Variants in SLC5A7 observed in about 807,000 individuals in gnomAD.
The protein encoded by SLC5A7 is solute carrier family 5 member 7.
Under a neutral mutation model 55.4 loss-of-function variants are expected in SLC5A7, and 19 were observed. The observed-to-expected ratio is 0.34, with a 90% confidence interval of 0.24 to 0.50. SLC5A7 has a LOEUF of 0.50. SLC5A7 is among the 20% of genes least tolerant of loss of function. SLC5A7 has a pLI of 0.98. For missense variants in SLC5A7, 506 were observed against 705.3 expected, an observed-to-expected ratio of 0.72 and a Z score of 3.20; for synonymous variants, 265 against 263.7, an observed-to-expected ratio of 1.00 and a Z score of -0.05.
intron 6 of SLC5A7, among the ~76,000 whole-genome samples, chr2:108,002,923 T>A (rs1677972808): frequency 6.6e-6 from 1 of 152,200 alleles, no homozygotes; most frequent in Non-Finnish European, 1.5e-5. Flanking sequence ...AATTGGTTAT[T>A]TTTGTTTTCT....
intron 5 of SLC5A7, 114 bp from the exon 6 acceptor site, chr2:108,001,783 C>G: frequency 2.8e-6 from 3 of 1,056,982 alleles, no homozygotes; most frequent in Non-Finnish European, 4.0e-6. Context: ...CGATCCTTCT[C>G]TGTCTGAACT....
At position 108,012,491 on chromosome 2, in the gene SLC5A7, A is replaced by C. The variant is rs1457395102; in HGVS notation, c.*1630A>C. 6.6e-6 allele frequency: 1 copy of C among 152,162 alleles called. No homozygotes were observed. Among genetic ancestry groups the C allele is most frequent in the Non-Finnish European group, 1.5e-5 (1 of 68,018 alleles). The allele number at this position is 152,162 out of a possible 1,614,324, so 9.4% of individuals were successfully genotyped here. A position where few individuals can be genotyped will look rare whatever the true frequency, so the allele number is the denominator to read the frequency against. ...TTAATTGTAATTGTCTCAAAGCATC[A>C]AATAATACATCTTTATCATTAAACA... On this transcript the variant is annotated 3_prime_UTR_variant, in exon 9 of 9. Coordinates refer to ENST00000264047, the MANE Select transcript of SLC5A7 (RefSeq NM_021815.5).
chr2:108,005,996 CTT>C, intron 6 of SLC5A7, 51 bp from the exon 7 acceptor site: 2 of 1,604,262 alleles, frequency 1.2e-6, no homozygotes, highest in Admixed American at 1.7e-5. Flanking sequence ...CAATAAAACT[CTT>C]TAAAAAAATG....
intron 4 of SLC5A7, among the ~76,000 whole-genome samples, chr2:107,996,456 T>A (rs1308040634): frequency 6.6e-6 from 1 of 152,172 alleles, no homozygotes; most frequent in African/African-American, 2.4e-5. Context: ...ATTGAGATAA[T>A]GTAGTTTCAT....
intron 6 of SLC5A7, among the ~76,000 whole-genome samples, chr2:108,005,564 T>C (rs1162242017): frequency 6.6e-6 from 1 of 152,214 alleles, no homozygotes; most frequent in Non-Finnish European, 1.5e-5. Context: ...ATTGTCTTAG[T>C]TCAGTTGGGT....
At position 108,013,925 on chromosome 2, in the gene SLC5A7, G is replaced by C. The variant is rs1413401450; in HGVS notation, c.*3064G>C. On this transcript the variant is annotated 3_prime_UTR_variant, in exon 9 of 9. Coordinates refer to ENST00000264047, the MANE Select transcript of SLC5A7 (RefSeq NM_021815.5). ...AAACGAATATAAGCTTAAAATAAGT[G>C]AATCTAATAAAATGGCTATTCCTCT... is the stretch of plus-strand genomic sequence containing the variant. 1 of 151,974 alleles carries C rather than the reference G, an allele frequency of 6.6e-6. No individual in the cohort carries two copies. Among genetic ancestry groups the C allele is most frequent in the African/African-American group, 2.4e-5 (1 of 41,388 alleles). The allele number at this position is 151,974 out of a possible 1,614,324, so 9.4% of individuals were successfully genotyped here. A position where few individuals can be genotyped will look rare whatever the true frequency, so the allele number is the denominator to read the frequency against.
At chr2:107,995,470 A>AGT (rs57328827) in intron 4 of SLC5A7, among the ~76,000 whole-genome samples, 7,182 of 137,152 alleles carry the variant, frequency 0.052, 496 homozygotes, top group African/African-American at 0.16. Context: ...AGAGAGAGAG[A>AGT]GTGTGTGTGT....
At chr2:107,999,330 C>T (rs1474811021) in intron 5 of SLC5A7, among the ~76,000 whole-genome samples, 5 of 152,182 alleles carry the variant, frequency 3.3e-5, no homozygotes, top group Admixed American at 2.0e-4. Context: ...GTTGGTTTGG[C>T]AATGACAGCT....
rs781484974 is a variant in SLC5A7, at chr2:108,002,051, C to G, written c.741+11C>G. ...AGTTTTCTGTTGTTGGTAAGTAATG[C>G]TCTTACCTGAAGAATGTGATTTAAT... is the stretch of plus-strand genomic sequence containing the variant. On this transcript the variant is annotated intron_variant, in intron 6 of 8. Transcript: ENST00000264047. 2.6e-5 allele frequency: 42 copies of G among 1,606,324 alleles called. No individual in the cohort carries two copies. The highest frequency in any genetic ancestry group is 3.6e-5 in the Non-Finnish European group (42 of 1,175,594).
chr2:108,001,232 TAGAC>T lies in SLC5A7; in HGVS notation c.598-662_598-659del, dbSNP rs997441433. Among the ~76,000 whole-genome samples, 68 of 151,952 alleles carry T rather than the reference TAGAC, an allele frequency of 4.5e-4. No homozygotes were observed. The South Asian group carries it at 7.7e-3, about 17-fold the overall frequency. On this transcript the variant is annotated intron_variant, in intron 5 of 8. Transcript: ENST00000264047. ...GTATGTGTGTGTGTGTGTGTGTAGA[TAGAC>T]AGTCAGAGATAGATAGATGATAGAT...
At chr2:108,002,957 A>T (rs182124103) in intron 6 of SLC5A7, among the ~76,000 whole-genome samples, 7 of 152,334 alleles carry the variant, frequency 4.6e-5, no homozygotes, top group Admixed American at 2.6e-4. Flanking sequence ...GCAATATTGT[A>T]TGACTTTGTG....
intron 6 of SLC5A7, 113 bp from the exon 7 acceptor site, chr2:108,005,936 T>A: frequency 7.8e-7 from 1 of 1,275,846 alleles, no homozygotes; most frequent in South Asian, 1.6e-5. Flanking sequence ...ACATGCCACA[T>A]TTTTTTTACT....
chr2:108,010,100 T>G, intron 8 of SLC5A7, 132 bp from the exon 9 acceptor site: 1 of 1,132,192 alleles, frequency 8.8e-7, no homozygotes, highest in Non-Finnish European at 1.2e-6. Flanking sequence ...TAGTTGGTTT[T>G]TCCCATAGAT....
chr2:107,989,379 G>A (rs1040568625), intron 2 of SLC5A7, among the ~76,000 whole-genome samples: 15 of 152,198 alleles, frequency 9.9e-5, no homozygotes, highest in African/African-American at 3.6e-4. Context: ...CTGGGGAGAG[G>A]CCATTCATGT....
In SLC5A7 at chr2:108,012,325, G is replaced by C. The variant is rs188479663; in HGVS notation, c.*1464G>C. ...TGATCAGGGAATCTGATCCCATAAA[G>C]AAAGTGAGTCTGAATTGTTGAAACT... On this transcript the variant is annotated 3_prime_UTR_variant, in exon 9 of 9. Coordinates refer to ENST00000264047, the MANE Select transcript of SLC5A7 (RefSeq NM_021815.5). The C allele has an allele frequency of 1.2e-4, 19 of 152,218 alleles. No individual in the cohort carries two copies. The East Asian group carries it at 3.7e-3, about 29-fold the overall frequency. 9.4% of individuals were successfully genotyped at this position (152,218 alleles called of 1,614,324 possible). A position where few individuals can be genotyped will look rare whatever the true frequency, so the allele number is the denominator to read the frequency against.
chr2:107,987,358 A>G (rs567109912), intron 1 of SLC5A7, among the ~76,000 whole-genome samples: 51 of 152,340 alleles, frequency 3.3e-4, no homozygotes, highest in African/African-American at 1.2e-3. Context: ...GTTTAAAACA[A>G]CAGCAACAAC....
chr2:107,990,179 A>T (rs1018441889), intron 2 of SLC5A7, among the ~76,000 whole-genome samples: 53 of 152,234 alleles, frequency 3.5e-4, no homozygotes, highest in African/African-American at 1.2e-3. Context: ...GACACAAAAT[A>T]TACAAACAAG....
At chr2:108,001,866 C>G (rs773500461) in intron 5 of SLC5A7, 31 bp from the exon 6 acceptor site, 1 of 1,612,460 alleles carries the variant, frequency 6.2e-7, no homozygotes, top group African/African-American at 1.3e-5. Flanking sequence ...AAAACCATCG[C>G]CTAGGGCTCC....
At chr2:108,005,985 G>T (rs552961883) in intron 6 of SLC5A7, 64 bp from the exon 7 acceptor site, 240 of 1,590,494 alleles carry the variant, frequency 1.5e-4, no homozygotes, top group Admixed American at 2.7e-4. Context: ...AAATGTGATT[G>T]CAATAAAACT....
Sources: allele counts gnomAD v4.1 joint callset (sites outside exome capture counted in the v4.1 genomes callset), GRCh38; gene constraint gnomAD v4.1.1; transcripts MANE v1.5; gene names NCBI Gene and HGNC (gene_info 2026-07-23, HGNC 2026-07-21).